CHCHD6: variants seen among roughly 807,000 people sequenced by gnomAD.
The protein encoded by CHCHD6 is MICOS complex subunit MIC25.
In CHCHD6, 28 loss-of-function variants were observed where a neutral mutation model predicts 32.3. The ratio of observed to expected loss-of-function variants is 0.87; its 90% CI spans 0.64 to 1.19. CHCHD6 has a LOEUF of 1.19. Ranked by LOEUF, CHCHD6 falls within the 50% of genes most tolerant of loss-of-function variation. The probability of loss-of-function intolerance (pLI) is 0.00; values close to 1 mark genes in which losing one functional copy is unlikely to be tolerated. For synonymous variants in CHCHD6, 122 were observed against 117.5 expected, an observed-to-expected ratio of 1.04 and a Z score of -0.25; for missense variants, 333 against 307.0, an observed-to-expected ratio of 1.08 and a Z score of -0.63.
At chr3:126,750,722 A>G (rs1294472383) in intron 4 of CHCHD6, among the ~76,000 whole-genome samples, 1 of 152,226 alleles carries the variant, frequency 6.6e-6, no homozygotes, top group Admixed American at 6.5e-5. Context: ...CCTAGCTTTA[A>G]TGCTAATTCC....
chr3:126,804,903 A>G (rs1272967781), intron 4 of CHCHD6, among the ~76,000 whole-genome samples: 3 of 152,290 alleles, frequency 2.0e-5, no homozygotes, highest in Admixed American at 2.0e-4. Flanking sequence ...AATATACGCA[A>G]ATCAATAAAT....
At chr3:126,919,881 C>A (rs546684267) in intron 6 of CHCHD6, among the ~76,000 whole-genome samples, 1 of 150,480 alleles carries the variant, frequency 6.6e-6, no homozygotes, top group Non-Finnish European at 1.5e-5. Context: ...TATTGATTTT[C>A]TTTATTTTAT....
intron 4 of CHCHD6, among the ~76,000 whole-genome samples, chr3:126,848,432 A>T (rs765053608): frequency 1.3e-5 from 2 of 152,200 alleles, no homozygotes; most frequent in Non-Finnish European, 2.9e-5. Flanking sequence ...ATCAGAAGTT[A>T]CTTCGTTTTA....
chr3:126,720,429 G>T (rs1453475178), intron 1 of CHCHD6, among the ~76,000 whole-genome samples: 1 of 152,186 alleles, frequency 6.6e-6, no homozygotes, highest in Admixed American at 6.5e-5. Flanking sequence ...GGTCCACTCT[G>T]AAATGGGGGG....
At chr3:126,757,221 G>A (rs1032152401) in intron 4 of CHCHD6, among the ~76,000 whole-genome samples, 1 of 152,078 alleles carries the variant, frequency 6.6e-6, no homozygotes, top group African/African-American at 2.4e-5. Context: ...TTCAGATATG[G>A]GATGTTCAAC....
At chr3:126,782,774 G>A (rs974948950) in intron 4 of CHCHD6, among the ~76,000 whole-genome samples, 5 of 152,106 alleles carry the variant, frequency 3.3e-5, no homozygotes, top group African/African-American at 7.2e-5. Context: ...GGAGCACTTC[G>A]ACTGTCTTGC....
chr3:126,824,535 T>C (rs1331403089), intron 4 of CHCHD6, among the ~76,000 whole-genome samples: 2 of 102,638 alleles, frequency 1.9e-5, no homozygotes, highest in Admixed American at 1.4e-4. Context: ...CACTCCAGCC[T>C]AGGTGATAGA....
At chr3:126,912,146 G>A (rs1467504922) in intron 5 of CHCHD6, among the ~76,000 whole-genome samples, 1 of 152,170 alleles carries the variant, frequency 6.6e-6, no homozygotes, top group African/African-American at 2.4e-5. Flanking sequence ...CTTACCCAAA[G>A]AACACCGCCA....
intron 6 of CHCHD6, among the ~76,000 whole-genome samples, chr3:126,939,179 C>T (rs4679307): frequency 0.58 from 88,058 of 151,912 alleles, 26,899 homozygotes; most frequent in Non-Finnish European, 0.68. Context: ...TCCACCACCC[C>T]GGGGTGTGGC....
At chr3:126,753,416 A>C (rs1357470572) in intron 4 of CHCHD6, among the ~76,000 whole-genome samples, 3 of 152,202 alleles carry the variant, frequency 2.0e-5, no homozygotes, top group Middle Eastern at 3.2e-3. Context: ...AGCTGGGTGC[A>C]GATCATTCCA....
At position 126,720,439 on chromosome 3, in the gene CHCHD6, G is replaced by A. The variant is rs544164001; in HGVS notation, c.88-6639G>A. Among the ~76,000 whole-genome samples, 4 of 152,320 alleles carry A rather than the reference G, an allele frequency of 2.6e-5. No individual in the cohort carries two copies. In the South Asian group the frequency reaches 8.3e-4, roughly 32 times the overall value. On this transcript the variant is annotated intron_variant, in intron 1 of 7. Transcript: ENST00000290913. The stretch of plus-strand genomic sequence containing the variant: ...CACAGGGTCCACTCTGAAATGGGGG[G>A]TGCTGTCCAGTCGTGTGCTGGTAAA...
chr3:126,762,913 C>T (rs1440077830), intron 4 of CHCHD6, among the ~76,000 whole-genome samples: 1 of 152,084 alleles, frequency 6.6e-6, no homozygotes, highest in Non-Finnish European at 1.5e-5. Flanking sequence ...TGCATACTTT[C>T]AGTTCCAACC....
At chr3:126,744,677 A>G (rs2107664939) in intron 4 of CHCHD6, among the ~76,000 whole-genome samples, 1 of 152,152 alleles carries the variant, frequency 6.6e-6, no homozygotes, top group African/African-American at 2.4e-5. Context: ...GAGGGATCCA[A>G]TCACTTCCTG....
rs1394368791 is a variant in CHCHD6, at chr3:126,788,479, A to G, written c.411+55257A>G. 5.3e-5 allele frequency among the ~76,000 whole-genome samples: 8 copies of G among 152,288 alleles called. No homozygotes were observed. In the East Asian group the frequency reaches 1.2e-3, roughly 22 times the overall value. ...TTGGACTTTTTTTGGTTGGTAAGCT[A>G]TTAATTATTGTCTCAATTTCAGAGC... On this transcript the variant is annotated intron_variant, in intron 4 of 7. Transcript: ENST00000290913.
chr3:126,957,481 GC>G lies in CHCHD6; in HGVS notation c.635del (p.Pro212ArgfsTer18). ...QAQILHCYRD[R>X]PHEVLLCSDL... Reference sequence around the variant, plus strand: ...CAGATTCTCCACTGCTACCGAGATCGCCCGCATGAGGTGCTGCTGTGCTCGG... The same window carrying G: ...CAGATTCTCCACTGCTACCGAGATCGCCGCATGAGGTGCTGCTGTGCTCGG... On this transcript the variant is annotated frameshift_variant, in exon 7 of 8. Coordinates refer to ENST00000290913, the MANE Select transcript of CHCHD6 (RefSeq NM_032343.3). LOFTEE classifies it high-confidence loss of function. 1 of 1,606,994 alleles carries G rather than the reference GC, an allele frequency of 6.2e-7. No individual in the cohort carries two copies. The highest frequency in any genetic ancestry group is 8.5e-7 in the Non-Finnish European group (1 of 1,176,988).
intron 5 of CHCHD6, among the ~76,000 whole-genome samples, chr3:126,900,286 C>T (rs2077902725): frequency 6.6e-6 from 1 of 152,122 alleles, no homozygotes; most frequent in South Asian, 2.1e-4. Flanking sequence ...TGGCATGTAT[C>T]GCCTGTCAAA....
chr3:126,933,070 C>CTT (rs1457223836), intron 6 of CHCHD6, among the ~76,000 whole-genome samples: 3 of 152,078 alleles, frequency 2.0e-5, no homozygotes, highest in African/African-American at 7.2e-5. Context: ...TGGACTGACC[C>CTT]ACGGTTCTGA....
intron 5 of CHCHD6, among the ~76,000 whole-genome samples, chr3:126,868,288 A>T (rs999680952): frequency 1.3e-5 from 2 of 152,210 alleles, no homozygotes; most frequent in African/African-American, 2.4e-5. Flanking sequence ...AGGTGGATGG[A>T]CGTAGATGGA....
rs151142258 is a variant in CHCHD6 at position 126,767,640 on chromosome 3, A to G, written c.411+34418A>G. Among the ~76,000 whole-genome samples, 405 of 152,268 alleles carry G rather than the reference A, an allele frequency of 2.7e-3. 2 individuals carry two copies. The highest frequency in any genetic ancestry group is 9.0e-3 in the African/African-American group (373 of 41,546). On this transcript the variant is annotated intron_variant, in intron 4 of 7. Transcript: ENST00000290913. ...TCAGGGGTGCTTGTGAAGGTTTATTATATAGGTAAACTGCATGTCACAGGG... is the reference window on the plus strand; with the variant it reads ...TCAGGGGTGCTTGTGAAGGTTTATTGTATAGGTAAACTGCATGTCACAGGG...
Sources: allele counts gnomAD v4.1 joint callset (sites outside exome capture counted in the v4.1 genomes callset), GRCh38; gene constraint gnomAD v4.1.1; transcripts MANE v1.5; gene names NCBI Gene and HGNC (gene_info 2026-07-23, HGNC 2026-07-21).